Variants in CHRNE observed in about 807,000 individuals in gnomAD.
CHRNE encodes the protein cholinergic receptor nicotinic epsilon subunit.
A neutral mutation model predicts 56.5 loss-of-function variants in CHRNE; 58 were observed. The observed-to-expected ratio is 1.03, with a 90% CI of 0.83 to 1.28. The LOEUF (loss-of-function observed/expected upper bound fraction) is 1.28. Ranked by LOEUF, CHRNE falls within the 50% of genes most tolerant of loss-of-function variation. The pLI, the probability that CHRNE is intolerant of heterozygous loss-of-function variation, is 0.00. For missense variants in CHRNE, 793 were observed against 688.9 expected (o/e 1.15, Z -1.69); for synonymous variants, 385 against 297.9 (o/e 1.29, Z -3.01).
At chr17:4,906,854 A>T (rs1490454084), upstream of CHRNE, among the ~76,000 whole-genome samples, 1 of 152,232 alleles carries the variant, frequency 6.6e-6, no homozygotes, top group African/African-American at 2.4e-5. Context: ...ATGGAGCACC[A>T]TTCACCCATA....
upstream of CHRNE, among the ~76,000 whole-genome samples, chr17:4,906,140 G>A (rs1215917059): frequency 6.6e-6 from 1 of 152,196 alleles, no homozygotes; most frequent in African/African-American, 2.4e-5. Flanking sequence ...TCTCTCTGCA[G>A]AGGCAGCACT....
chr17:4,901,890 C>CCA (rs754315118), intron 5 of CHRNE, 42 bp downstream of exon 5: 28 of 1,605,324 alleles, frequency 1.7e-5, no homozygotes, highest in African/African-American at 2.7e-5. Context: ...TAAGGCCCCC[C>CCA]CCCAACAATA....
At position 4,899,400 on chromosome 17, in the gene CHRNE, G is replaced by C; in HGVS notation, c.1033-16C>G. 6.5e-7 allele frequency: 1 copy of C among 1,537,470 alleles called. No homozygotes were observed. The highest frequency in any genetic ancestry group is 8.7e-7 in the Non-Finnish European group (1 of 1,144,660). On this transcript the variant is annotated splice_polypyrimidine_tract_variant and intron_variant, in intron 9 of 11. Coordinates refer to ENST00000649488, the MANE Select transcript of CHRNE (RefSeq NM_000080.4). ...CCAGGAGAACCTGGGGCAGGGGCGG[G>C]GCTTAGGGGACGAGGTTAGTACGAA...
chr17:4,901,908 G>A (rs777804924), intron 5 of CHRNE, 24 bp downstream of exon 5: 16 of 1,393,950 alleles, frequency 1.1e-5, no homozygotes, highest in South Asian at 4.6e-5. Context: ...ATAATCGTCC[G>A]GGCCTCGGAG....
rs752020505 is a variant in CHRNE at position 4,899,459 on chromosome 17, C to T, written c.1032+9G>A. On this transcript the variant is annotated intron_variant, in intron 9 of 11. Transcript: ENST00000649488. The stretch of plus-strand genomic sequence containing the variant: ...CCGACCCGGGCTGCACCGCCCCCTC[C>T]GCGCTTACGTGGCGCAGCCGCGGGG... 3 of 1,577,976 alleles carry T rather than the reference C, an allele frequency of 1.9e-6. No individual in the cohort carries two copies. The highest frequency in any genetic ancestry group is 1.2e-5 in the South Asian group (1 of 86,194).
Position 4,899,015 on chromosome 17 carries a change from C to T in CHRNE, c.1312G>A (p.Glu438Lys). 1.9e-6 allele frequency: 3 copies of T among 1,605,562 alleles called. No individual in the cohort carries two copies. The highest frequency in any genetic ancestry group is 1.1e-5 in the South Asian group (1 of 89,364). The stretch of plus-strand genomic sequence containing the variant: ...TCCTGTCCCACCTCGCCGGTGGCCT[C>T]CTGATCTCTCGTGCTCTCGGCCACG... ...NFVAESTRDQ[E>K]ATGEEVSDWV... Residue 438 changes from glutamate (E) to lysine (K), a missense_variant, in exon 11 of 12, where the codon GAG becomes AAG. Glu to Lys is a moderately conservative substitution (Grantham distance 56). Coordinates refer to ENST00000649488, the MANE Select transcript of CHRNE (RefSeq NM_000080.4).
rs1195749165 is a variant in CHRNE at position 4,898,037 on chromosome 17, A to AAGAC, written c.*695_*698dup. On this transcript the variant is annotated 3_prime_UTR_variant, in exon 12 of 12. Transcript: ENST00000649488. ...GCCTTGGATATCCTGTTTGTTAATA[A>AAGAC]AGACAATTCAACCAGCTCCCACCAT... 1.3e-5 allele frequency: 2 copies of AAGAC among 149,538 alleles called. No homozygotes were observed. The highest frequency in any genetic ancestry group is 3.0e-5 in the Non-Finnish European group (2 of 67,528). 9.3% of individuals were successfully genotyped at this position (149,538 alleles called of 1,614,324 possible). A position where few individuals can be genotyped will look rare whatever the true frequency, so the allele number is the denominator to read the frequency against.
rs767945817 is a variant in CHRNE at position 4,901,027 on chromosome 17, C to T, written c.765G>A (p.Ser255=). The T allele has an allele frequency of 2.5e-6, 4 of 1,614,000 alleles. No individual in the cohort carries two copies. The highest frequency in any genetic ancestry group is 1.7e-5 in the Admixed American group (1 of 60,026). The change falls in exon 7 of 12, where the codon TCG becomes TCA. Residue 255 remains serine (S), a synonymous_variant. Transcript: ENST00000649488. ...INIIVPCVLI[S]GLVLLAYFLP... ...GGAAGTAGGCGAGCAGCACCAGGCC[C>T]GAGATGAGCACACAGGGCACGATGA...
upstream of CHRNE, among the ~76,000 whole-genome samples, chr17:4,907,523 A>G (rs200873012): frequency 2.1e-4 from 29 of 140,246 alleles, no homozygotes; most frequent in East Asian, 6.1e-4. Flanking sequence ...AGCCAAGATC[A>G]CGCCACTGCA....
chr17:4,901,434 A>G, intron 6 of CHRNE, 91 bp downstream of exon 6: 2 of 1,187,652 alleles, frequency 1.7e-6, no homozygotes, highest in Non-Finnish European at 2.5e-6. Flanking sequence ...GTCATCCTCC[A>G]GTGTCGTTGG....
At position 4,898,755 on chromosome 17, in the gene CHRNE, G is replaced by A. The variant is rs1372953960; in HGVS notation, c.1463C>T (p.Ala488Val). 4 of 1,610,982 alleles carry A rather than the reference G, an allele frequency of 2.5e-6. No individual in the cohort carries two copies. In the South Asian group the frequency reaches 3.3e-5, roughly 13 times the overall value. Residue 488 changes from alanine to valine, a missense_variant, in exon 12 of 12, where the codon GCG becomes GTG. Coordinates refer to ENST00000649488, the MANE Select transcript of CHRNE (RefSeq NM_000080.4). ...TGCGAGCTAAGGCTGGATACACGGC[G>A]CGTAGGGGAGATCAGGCACTCGGTT... ...YFNRVPDLPYAPCIQP is the reference protein window; with the variant it reads ...YFNRVPDLPYVPCIQP
intron 6 of CHRNE, 96 bp downstream of exon 6, chr17:4,901,429 C>T (rs1969981424): frequency 8.6e-7 from 1 of 1,156,208 alleles, no homozygotes; most frequent in South Asian, 1.2e-5. Flanking sequence ...TGGAAGTCAT[C>T]CTCCAGTGTC....
At chr17:4,903,162 C>T (rs528672788), upstream of CHRNE, 44 of 1,220,540 alleles carry the variant, frequency 3.6e-5, no homozygotes, top group Middle Eastern at 4.1e-4. Flanking sequence ...TAGTTCCGGG[C>T]TGTTAGGGGA....
At chr17:4,900,249 T>A in intron 8 of CHRNE, 2 of 1,547,254 alleles carry the variant, frequency 1.3e-6, no homozygotes, top group Non-Finnish European at 1.7e-6. Flanking sequence ...CTCAGCCCTG[T>A]GGCTGCAGCA....
At chr17:4,903,215 AT>A, upstream of CHRNE, 1 of 796,900 alleles carries the variant, frequency 1.3e-6, no homozygotes, top group African/African-American at 1.7e-5. Flanking sequence ...AGCTGGGGAC[AT>A]TTTGGCTGCT....
upstream of CHRNE, among the ~76,000 whole-genome samples, chr17:4,905,285 A>G (rs370402829): frequency 2.7e-4 from 41 of 152,328 alleles, 1 homozygote; most frequent in East Asian, 7.5e-3. Context: ...ACAGTGGCTC[A>G]TGCCTGTAAT....
In CHRNE at chr17:4,901,103, A is replaced by C; in HGVS notation, c.689T>G (p.Val230Gly). 2.5e-6 allele frequency: 4 copies of C among 1,613,476 alleles called. No individual in the cohort carries two copies. The highest frequency in any genetic ancestry group is 3.4e-6 in the Non-Finnish European group (4 of 1,179,940). ...CCGGCGGATGATGAGCGAGTAGATG[A>C]CGTCAGTCTCCCCTGGGCCGTCGGT... is the stretch of plus-strand genomic sequence containing the variant. ...GATDGPGETDVIYSLIIRRKP... is the reference protein window; with the variant it reads ...GATDGPGETDGIYSLIIRRKP... Residue 230 changes from valine to glycine, a missense_variant, in exon 7 of 12, where the codon GTC becomes GGC. By Grantham distance (109) the Val-to-Gly change is moderately radical. Transcript: ENST00000649488.
chr17:4,899,514 G>A lies in CHRNE; in HGVS notation c.986C>T (p.Ser329Phe), dbSNP rs1969880578. 1 of 1,604,548 alleles carries A rather than the reference G, an allele frequency of 6.2e-7. No homozygotes were observed. The highest frequency in any genetic ancestry group is 2.2e-5 in the East Asian group (1 of 44,596). The part of the protein sequence containing the change: ...VMNCVIVLNV[S>F]QRTPTTHAMS... ...GGCGTGGGTGGTGGGCGTCCGCTGGGACACGTTGAGCACGATGACGCAATT... is the reference window on the plus strand; with the variant it reads ...GGCGTGGGTGGTGGGCGTCCGCTGGAACACGTTGAGCACGATGACGCAATT... Residue 329 changes from serine to phenylalanine, a missense_variant, in exon 9 of 12, where the codon TCC becomes TTC. Physicochemically the swap from Ser to Phe is radical, Grantham distance 155. Coordinates refer to ENST00000649488, the MANE Select transcript of CHRNE (RefSeq NM_000080.4).
At chr17:4,903,860 T>TTAA (rs1567640857), upstream of CHRNE, among the ~76,000 whole-genome samples, 27 of 152,254 alleles carry the variant, frequency 1.8e-4, no homozygotes, top group Non-Finnish European at 2.6e-4. Flanking sequence ...TGTTCCTTTT[T>TTAA]AAAAAAAATT....
Sources: gnomAD v4.1 joint callset for allele counts (sites outside exome capture counted in the v4.1 genomes callset) on GRCh38, gnomAD v4.1.1 for gene constraint, MANE v1.5 for transcripts, NCBI Gene and HGNC (gene_info 2026-07-23, HGNC 2026-07-21) for gene names.